Variants in LITAF observed in about 807,000 individuals in gnomAD.
The protein encoded by LITAF is lipopolysaccharide induced TNF factor, also known as lipopolysaccharide-induced tumor necrosis factor-alpha factor.
LITAF carries 9 observed loss-of-function variants against 14.5 expected under a neutral mutation model. The ratio of observed to expected loss-of-function variants is 0.62; its 90% CI spans 0.37 to 1.08. LITAF has a LOEUF of 1.08. LITAF is among the 50% of genes least tolerant of loss of function. LITAF has a pLI of 0.01. For missense variants in LITAF, 206 were observed against 213.4 expected, an observed-to-expected ratio of 0.97 and a Z score of 0.22; for synonymous variants, 98 against 88.2, an observed-to-expected ratio of 1.11 and a Z score of -0.62.
chr16:11,606,975 A>T (rs2064958299), intron 3 of LITAF, among the ~76,000 whole-genome samples: 1 of 152,116 alleles, frequency 6.6e-6, no homozygotes, highest in Non-Finnish European at 1.5e-5. Context: ...TTACGAGCGA[A>T]GTGCTATTCC....
upstream of LITAF, among the ~76,000 whole-genome samples, chr16:11,600,322 G>C (rs1297845674): frequency 6.6e-6 from 1 of 152,142 alleles, no homozygotes; most frequent in South Asian, 2.1e-4. This position sits in a 1 kb window ranked among gnomAD's most constrained non-coding sequence, Gnocchi z 4.1. Flanking sequence ...GTTATTCCAC[G>C]TCTGTCTTCC....
chr16:11,632,824 CCTT>C lies in LITAF; in HGVS notation c.85+706_85+708del, dbSNP rs59998577. ...AGTTTTCCGTGTGCCGCCTCCTCGT[CCTT>C]CTTCTTCTGCCGAATGCCTGGAATT... On this transcript the variant is annotated intron_variant, in intron 3 of 3. Coordinates refer to the LITAF transcript ENST00000574848. This position sits in a 1 kb window ranked among gnomAD's most constrained non-coding sequence, Gnocchi z 4.8. Among the ~76,000 whole-genome samples, 3,829 of 152,266 alleles carry C rather than the reference CCTT, an allele frequency of 0.025. 178 individuals are homozygous for C. The highest frequency in any genetic ancestry group is 0.087 in the African/African-American group (3,617 of 41,524).
rs565380106 is a variant in LITAF, at chr16:11,612,815, G to A, written c.85+20718C>T. On this transcript the variant is annotated intron_variant, in intron 3 of 3. Coordinates refer to the LITAF transcript ENST00000574848. Reference sequence around the variant, plus strand: ...CGCCCTCTTGGGGAATGATTTCACTGTGGAACCAAGCTTGGTTACACCAGA... The same window carrying A: ...CGCCCTCTTGGGGAATGATTTCACTATGGAACCAAGCTTGGTTACACCAGA... Among the ~76,000 whole-genome samples the A allele has an allele frequency of 4.6e-5, 7 of 152,316 alleles. 1 individual carries two copies. The South Asian group carries it at 1.4e-3, about 32-fold the overall frequency.
intron 3 of LITAF, among the ~76,000 whole-genome samples, chr16:11,620,418 G>A (rs905664855): frequency 7.9e-5 from 12 of 151,894 alleles, no homozygotes; most frequent in Admixed American, 6.6e-5. Context: ...TTCCCCCTTC[G>A]CCTTCCACCA....
chr16:11,599,906 C>CT (rs2064916978), upstream of LITAF, among the ~76,000 whole-genome samples: 1 of 152,278 alleles, frequency 6.6e-6, no homozygotes, highest in East Asian at 1.9e-4. Context: ...ACTGACCACT[C>CT]TATCTGAGGT....
At chr16:11,562,571 C>G (rs1466718683) in intron 1 of LITAF, among the ~76,000 whole-genome samples, 1 of 152,132 alleles carries the variant, frequency 6.6e-6, no homozygotes, top group Non-Finnish European at 1.5e-5. Context: ...CAAAAGTTTT[C>G]CTCATTCTAC....
chr16:11,624,772 C>T (rs2065073230), intron 3 of LITAF, among the ~76,000 whole-genome samples: 1 of 152,188 alleles, frequency 6.6e-6, no homozygotes, highest in Non-Finnish European at 1.5e-5. Context: ...CTCTTCCTGT[C>T]AAGAGGTAGA....
rs142411605 is a variant in LITAF at position 11,617,793 on chromosome 16, G to C, written c.85+15740C>G. 3.2e-3 allele frequency among the ~76,000 whole-genome samples: 482 copies of C among 152,156 alleles called. 2 individuals are homozygous for C. The highest frequency in any genetic ancestry group is 4.5e-3 in the Non-Finnish European group (304 of 68,004). ...GGGACAACGCCATCTCTTGATCTAA[G>C]CCTCTTTGAAGGTGTTAATGTAATA... On this transcript the variant is annotated intron_variant, in intron 3 of 3. Coordinates refer to the LITAF transcript ENST00000574848.
At chr16:11,599,097 G>A (rs2064912009), upstream of LITAF, among the ~76,000 whole-genome samples, 1 of 150,722 alleles carries the variant, frequency 6.6e-6, no homozygotes, top group Non-Finnish European at 1.5e-5. Flanking sequence ...TAGGATTACA[G>A]GTGTGAGCCA....
At chr16:11,600,455 G>C (rs941918975), upstream of LITAF, among the ~76,000 whole-genome samples, 2 of 152,232 alleles carry the variant, frequency 1.3e-5, no homozygotes, top group African/African-American at 4.8e-5. This position sits in a 1 kb window ranked among gnomAD's most constrained non-coding sequence, Gnocchi z 4.1. Flanking sequence ...GATGGGCCGG[G>C]TCCCCAGCGC....
chr16:11,576,038 G>T (rs747880022), intron 1 of LITAF, among the ~76,000 whole-genome samples: 2 of 152,082 alleles, frequency 1.3e-5, no homozygotes, highest in Non-Finnish European at 2.9e-5. Context: ...ATGCCACCAT[G>T]ATTAGCTAGT....
At chr16:11,616,125 C>T (rs2065018565) in intron 3 of LITAF, among the ~76,000 whole-genome samples, 1 of 152,186 alleles carries the variant, frequency 6.6e-6, no homozygotes, top group Admixed American at 6.5e-5. Context: ...ATTCAGGGCC[C>T]TTCCAGACCC....
rs1210083291 is a variant in LITAF, at chr16:11,553,806, TGTTCATAGCATGC to T, written c.221-130_221-118del. On this transcript the variant is annotated intron_variant, in intron 2 of 3. Coordinates refer to ENST00000622633, the MANE Select transcript of LITAF (RefSeq NM_001136472.2). This position sits in a 1 kb window ranked among gnomAD's most constrained non-coding sequence, Gnocchi z 7.7. ...AGCAAATATTATATTTGTACATTTG[TGTTCATAGCATGC>T]GTTCATCGTCTGGCTATCTATGAGA... 1 of 1,205,862 alleles carries T rather than the reference TGTTCATAGCATGC, an allele frequency of 8.3e-7. No homozygotes were observed. The highest frequency in any genetic ancestry group is 1.5e-5 in the African/African-American group (1 of 66,682). The allele number at this position is 1,205,862 out of a possible 1,614,324, so 74.7% of individuals were successfully genotyped here.
Position 11,548,243 on chromosome 16 carries a change from T to C in LITAF, c.*1394A>G, listed in dbSNP as rs759584237. 1.3e-5 allele frequency: 6 copies of C among 454,104 alleles called. No individual in the cohort carries two copies. The highest frequency in any genetic ancestry group is 6.2e-5 in the South Asian group (4 of 64,472). 28.1% of individuals were successfully genotyped at this position (454,104 alleles called of 1,614,324 possible). On this transcript the variant is annotated 3_prime_UTR_variant, in exon 4 of 4. Transcript: ENST00000622633. Reference sequence around the variant, plus strand: ...TGAAGTATTATCAAAACGAGGACCCTTGAAGGTCGAGCCCAGCTTTGTCTT... The same window carrying C: ...TGAAGTATTATCAAAACGAGGACCCCTGAAGGTCGAGCCCAGCTTTGTCTT...
chr16:11,579,452 C>G (rs967644549), intron 1 of LITAF, among the ~76,000 whole-genome samples: 14 of 143,812 alleles, frequency 9.7e-5, no homozygotes, highest in East Asian at 4.0e-4. Context: ...AGCGAGACTC[C>G]GTCTCAAAAA....
At chr16:11,628,413 G>A (rs2141903233) in intron 3 of LITAF, among the ~76,000 whole-genome samples, 1 of 152,328 alleles carries the variant, frequency 6.6e-6, no homozygotes, top group Non-Finnish European at 1.5e-5. Context: ...GATGCTCTCA[G>A]AGCACAAGGA....
At position 11,605,939 on chromosome 16, in the gene LITAF, A is replaced by C. The variant is rs898501549; in HGVS notation, c.85+27594T>G. Among the ~76,000 whole-genome samples, 1 of 152,112 alleles carries C rather than the reference A, an allele frequency of 6.6e-6. No homozygotes were observed. The highest frequency in any genetic ancestry group is 6.6e-5 in the Admixed American group (1 of 15,258). On this transcript the variant is annotated intron_variant, in intron 3 of 3. Transcript: ENST00000574848. This position sits in a 1 kb window ranked among gnomAD's most constrained non-coding sequence, Gnocchi z 4.7. Reference sequence around the variant, plus strand: ...TCTCCCACGGCCTGCGCACAGCCTGATCTTCTGGGAGCCCCCATTCTTCCT... The same window carrying C: ...TCTCCCACGGCCTGCGCACAGCCTGCTCTTCTGGGAGCCCCCATTCTTCCT...
upstream of LITAF, among the ~76,000 whole-genome samples, chr16:11,601,403 G>C (rs76112511): frequency 7.2e-3 from 1,102 of 152,134 alleles, 10 homozygotes; most frequent in African/African-American, 0.025. Context: ...AGAGGGAAGG[G>C]GGCTCTCCAA....
intron 1 of LITAF, among the ~76,000 whole-genome samples, chr16:11,583,570 C>T (rs375572440): frequency 2.6e-5 from 4 of 152,316 alleles, no homozygotes; most frequent in Non-Finnish European, 4.4e-5. Flanking sequence ...GTAGTTGTTT[C>T]GTTCTATAAG....
Sources: allele counts gnomAD v4.1 joint callset (sites outside exome capture counted in the v4.1 genomes callset), GRCh38; gene constraint gnomAD v4.1.1; non-coding constraint Gnocchi (gnomAD v3.1); transcripts MANE v1.5; gene names NCBI Gene and HGNC (gene_info 2026-07-23, HGNC 2026-07-21).